Variants in C1orf21 observed in about 807,000 individuals in gnomAD.
C1orf21 encodes the protein uncharacterized protein C1orf21.
Under a neutral mutation model 18.7 loss-of-function variants are expected in C1orf21, and 3 were observed. That is an observed-to-expected ratio of 0.16 (90% CI 0.07 to 0.42). The LOEUF (loss-of-function observed/expected upper bound fraction) is 0.42, where lower values mean the gene tolerates loss of function less well. C1orf21 is among the 10% of genes least tolerant of loss of function. The probability of loss-of-function intolerance (pLI) is 0.99; values close to 1 mark genes in which losing one functional copy is unlikely to be tolerated. For missense variants in C1orf21, 104 were observed against 143.6 expected (o/e 0.72, Z 1.41); for synonymous variants, 41 against 46.4 (o/e 0.88, Z 0.47).
intron 3 of C1orf21, among the ~76,000 whole-genome samples, chr1:184,554,030 A>G (rs1658846459): frequency 6.6e-6 from 1 of 152,184 alleles, no homozygotes. Context: ...CAATGCCACA[A>G]TGGAGAATTA....
chr1:184,619,378 C>T, intron 5 of C1orf21, 140 bp from the exon 6 acceptor site: 2 of 829,146 alleles, frequency 2.4e-6, no homozygotes, highest in South Asian at 1.5e-5. Flanking sequence ...ACGTAGCTAC[C>T]CCTGTGCCAG....
intron 1 of C1orf21, among the ~76,000 whole-genome samples, chr1:184,388,847 T>A (rs1320384962): frequency 6.6e-6 from 1 of 152,040 alleles, no homozygotes; most frequent in Admixed American, 6.5e-5. Flanking sequence ...GGGGAGAAGG[T>A]GATGTTTCTG....
chr1:184,544,314 T>C (rs1658698128), intron 3 of C1orf21, among the ~76,000 whole-genome samples: 1 of 152,202 alleles, frequency 6.6e-6, no homozygotes, highest in East Asian at 1.9e-4. Flanking sequence ...AGTCTCTTAT[T>C]GTGTAATGAA....
intron 3 of C1orf21, among the ~76,000 whole-genome samples, chr1:184,540,885 A>C (rs1297786698): frequency 6.6e-6 from 1 of 152,174 alleles, no homozygotes; most frequent in East Asian, 1.9e-4. Context: ...TTTTCTCCAA[A>C]TGTTTATTAT....
intron 3 of C1orf21, among the ~76,000 whole-genome samples, chr1:184,577,956 T>G (rs1459498944): frequency 2.1e-5 from 3 of 144,180 alleles, no homozygotes; most frequent in East Asian, 2.0e-4. Flanking sequence ...TGTTTTTGTT[T>G]TTTTTTTTTT....
At chr1:184,531,702 A>G (rs77964679) in intron 3 of C1orf21, among the ~76,000 whole-genome samples, 10 of 152,084 alleles carry the variant, frequency 6.6e-5, no homozygotes, top group Admixed American at 2.0e-4. Flanking sequence ...AGTGTTTATC[A>G]TATGGAAGCC....
intron 3 of C1orf21, among the ~76,000 whole-genome samples, chr1:184,528,702 C>T (rs1658414423): frequency 6.6e-6 from 1 of 152,168 alleles, no homozygotes; most frequent in Non-Finnish European, 1.5e-5. Context: ...GCCTCAGCCT[C>T]CCAAATTGAG....
At chr1:184,513,935 C>G (rs1658187483) in intron 3 of C1orf21, among the ~76,000 whole-genome samples, 1 of 152,150 alleles carries the variant, frequency 6.6e-6, no homozygotes, top group Non-Finnish European at 1.5e-5. Flanking sequence ...GTGATCAGTG[C>G]AGAAGGTGAA....
At chr1:184,469,323 C>A (rs1322524861) in intron 1 of C1orf21, among the ~76,000 whole-genome samples, 1 of 152,176 alleles carries the variant, frequency 6.6e-6, no homozygotes, top group East Asian at 1.9e-4. Context: ...AATTCATGAT[C>A]TTTCGTGTGT....
intron 1 of C1orf21, among the ~76,000 whole-genome samples, chr1:184,458,378 G>A (rs537616791): frequency 6.6e-6 from 1 of 152,274 alleles, no homozygotes; most frequent in Middle Eastern, 3.4e-3. Flanking sequence ...TACTAGGTAG[G>A]GGTAGAAGGT....
intron 3 of C1orf21, among the ~76,000 whole-genome samples, chr1:184,537,935 T>C (rs1658585227): frequency 6.6e-6 from 1 of 152,176 alleles, no homozygotes; most frequent in Non-Finnish European, 1.5e-5. Context: ...AGGAGTGAGC[T>C]ACCGCACCTA....
chr1:184,619,465 G>A (rs2102013695), intron 5 of C1orf21, 53 bp from the exon 6 acceptor site: 1 of 1,575,026 alleles, frequency 6.3e-7, no homozygotes, highest in Non-Finnish European at 8.7e-7. Flanking sequence ...AACTATTTCA[G>A]GCTCTGCTTT....
chr1:184,502,473 A>AT (rs755071609), intron 2 of C1orf21, among the ~76,000 whole-genome samples: 4 of 152,092 alleles, frequency 2.6e-5, no homozygotes, highest in Admixed American at 6.5e-5. Context: ...CCAAGCAATA[A>AT]TAAGCACCAC....
At chr1:184,439,429 G>A (rs1656911046) in intron 1 of C1orf21, among the ~76,000 whole-genome samples, 1 of 150,490 alleles carries the variant, frequency 6.6e-6, no homozygotes, top group Non-Finnish European at 1.5e-5. Flanking sequence ...CTACCCAAGG[G>A]CTATCTATCT....
intron 5 of C1orf21, among the ~76,000 whole-genome samples, chr1:184,618,844 T>C (rs1659872922): frequency 6.6e-6 from 1 of 152,194 alleles, no homozygotes; most frequent in Non-Finnish European, 1.5e-5. Flanking sequence ...TAAATGTGGA[T>C]CCTTAAAGCC....
At chr1:184,446,266 T>C (rs887207001) in intron 1 of C1orf21, among the ~76,000 whole-genome samples, 1 of 152,156 alleles carries the variant, frequency 6.6e-6, no homozygotes, top group African/African-American at 2.4e-5. Flanking sequence ...TCACTTTTTA[T>C]ATTTTTCTGT....
Position 184,414,396 on chromosome 1 carries a change from G to A in C1orf21, c.-125+27028G>A, listed in dbSNP as rs764386722. On this transcript the variant is annotated intron_variant, in intron 1 of 5. Coordinates refer to ENST00000235307, the MANE Select transcript of C1orf21 (RefSeq NM_030806.4). ...CTCCTGCCTCGGCGTTTCAAAGTGT[G>A]AGATGATAGGTGTAAGTCACTATGC... Among the ~76,000 whole-genome samples, 87 of 152,154 alleles carry A rather than the reference G, an allele frequency of 5.7e-4. 1 individual carries two copies. The highest frequency in any genetic ancestry group is 1.1e-3 in the Non-Finnish European group (73 of 68,030).
intron 1 of C1orf21, among the ~76,000 whole-genome samples, chr1:184,419,421 T>C (rs1044263055): frequency 3.3e-5 from 5 of 152,188 alleles, no homozygotes; most frequent in Non-Finnish European, 7.3e-5. Context: ...GAATTCCTTA[T>C]GGAGTCCTAA....
At position 184,577,953 on chromosome 1, in the gene C1orf21, G is replaced by GTTTTTTTTTTT. The variant is rs1257021237; in HGVS notation, c.190-12778_190-12768dup. ...TCCGTTTGTTTTTTGTTTTGTTTTT[G>GTTTTTTTTTTT]TTTTTTTTTTTTTTTTTTGAGACAG... On this transcript the variant is annotated intron_variant, in intron 3 of 5. Coordinates refer to ENST00000235307, the MANE Select transcript of C1orf21 (RefSeq NM_030806.4). 3.7e-4 allele frequency among the ~76,000 whole-genome samples: 40 copies of GTTTTTTTTTTT among 108,918 alleles called. 1 individual carries two copies. The highest frequency in any genetic ancestry group is 7.2e-4 in the Non-Finnish European group (38 of 52,658). The allele number at this position is 108,918 out of a possible 152,430, so 71.5% of individuals were successfully genotyped here.
Sources: allele counts gnomAD v4.1 joint callset (sites outside exome capture counted in the v4.1 genomes callset), GRCh38; gene constraint gnomAD v4.1.1; transcripts MANE v1.5; gene names NCBI Gene and HGNC (gene_info 2026-07-23, HGNC 2026-07-21).